Variants in COL25A1 observed in about 807,000 individuals in gnomAD.
COL25A1 encodes collagen type XXV alpha 1 chain, also known as collagen alpha-1(XXV) chain.
In COL25A1, 103 loss-of-function variants were observed where a neutral mutation model predicts 128.4. That is an observed-to-expected ratio of 0.80 (90% CI 0.68 to 0.94). The LOEUF is 0.94. COL25A1 is among the 40% of genes least tolerant of loss of function. The pLI is 0.00. For missense variants in COL25A1, 745 were observed against 840.0 expected, an observed-to-expected ratio of 0.89 and a Z score of 1.40; for synonymous variants, 279 against 277.2, an observed-to-expected ratio of 1.01 and a Z score of -0.06.
At chr4:109,125,360 G>A (rs1768496249) in intron 3 of COL25A1, among the ~76,000 whole-genome samples, 1 of 152,104 alleles carries the variant, frequency 6.6e-6, no homozygotes, top group South Asian at 2.1e-4. Context: ...TTCTCAGGAA[G>A]TAACACTTCT....
At chr4:108,953,345 T>A (rs1749682376) in intron 8 of COL25A1, among the ~76,000 whole-genome samples, 1 of 152,194 alleles carries the variant, frequency 6.6e-6, no homozygotes, top group Admixed American at 6.5e-5. Flanking sequence ...TTTGTTCAAT[T>A]ACACAAAAGT....
chr4:108,935,166 A>G (rs945861888), intron 11 of COL25A1, among the ~76,000 whole-genome samples: 1 of 152,198 alleles, frequency 6.6e-6, no homozygotes, highest in African/African-American at 2.4e-5. Flanking sequence ...AAAGCCATTA[A>G]AAGAGGTAGA....
At chr4:109,125,028 C>T (rs1281427353) in intron 3 of COL25A1, among the ~76,000 whole-genome samples, 1 of 152,064 alleles carries the variant, frequency 6.6e-6, no homozygotes, top group African/African-American at 2.4e-5. Context: ...CCCCCCCACA[C>T]TTTTCGCCTA....
chr4:109,048,211 G>T (rs757767822), intron 4 of COL25A1, 36 bp from the exon 5 acceptor site: 1 of 1,598,194 alleles, frequency 6.3e-7, no homozygotes, highest in Non-Finnish European at 8.6e-7. Flanking sequence ...AAGAGAGAGA[G>T]AGGAGTTAGT....
chr4:108,910,919 G>A (rs545493340), intron 13 of COL25A1, among the ~76,000 whole-genome samples: 1 of 152,280 alleles, frequency 6.6e-6, no homozygotes, highest in East Asian at 1.9e-4. Flanking sequence ...AAGGAATTCA[G>A]TTTCTCATAA....
chr4:109,283,186 G>A (rs1474393610), intron 3 of COL25A1, among the ~76,000 whole-genome samples: 1 of 152,110 alleles, frequency 6.6e-6, no homozygotes, highest in South Asian at 2.1e-4. Flanking sequence ...ATATCCCTGT[G>A]TATTTGAGTT....
At chr4:108,950,117 A>G (rs755656427) in intron 8 of COL25A1, among the ~76,000 whole-genome samples, 11 of 152,092 alleles carry the variant, frequency 7.2e-5, no homozygotes, top group South Asian at 2.1e-4. Context: ...CCACTCCTGC[A>G]TCAAGCTCTT....
chr4:108,867,696 A>G (rs1162271820), intron 20 of COL25A1, among the ~76,000 whole-genome samples: 1 of 152,148 alleles, frequency 6.6e-6, no homozygotes, highest in Non-Finnish European at 1.5e-5. Flanking sequence ...TTTCTGTTGA[A>G]TGCAGTACAC....
At chr4:108,987,329 A>G (rs776448341) in intron 6 of COL25A1, among the ~76,000 whole-genome samples, 3 of 150,646 alleles carry the variant, frequency 2.0e-5, no homozygotes, top group Non-Finnish European at 4.4e-5. Context: ...AACATTATCA[A>G]TTGTCATTTT....
intron 3 of COL25A1, among the ~76,000 whole-genome samples, chr4:109,191,569 T>A (rs952379840): frequency 6.6e-6 from 1 of 152,108 alleles, no homozygotes; most frequent in African/African-American, 2.4e-5. Context: ...CCATAAGGAG[T>A]GCATCCGGCC....
chr4:109,137,407 A>G lies in COL25A1; in HGVS notation c.368-87228T>C, dbSNP rs117456919. 4.9e-4 allele frequency among the ~76,000 whole-genome samples: 74 copies of G among 152,294 alleles called. No individual in the cohort carries two copies. The East Asian group carries it at 0.014, about 29-fold the overall frequency. Reference sequence around the variant, plus strand: ...AACTTGTACCTCACTCCTCAAATTAATCAGTCAACAATCAATCTAATTAAC... The same window carrying G: ...AACTTGTACCTCACTCCTCAAATTAGTCAGTCAACAATCAATCTAATTAAC... On this transcript the variant is annotated intron_variant, in intron 3 of 37. Transcript: ENST00000399132.
intron 5 of COL25A1, among the ~76,000 whole-genome samples, chr4:109,024,264 C>G (rs908240805): frequency 1.3e-4 from 14 of 105,994 alleles, no homozygotes; most frequent in Non-Finnish European, 2.2e-4. Flanking sequence ...TTGGGACATA[C>G]ATAACCCCAT....
chr4:108,945,303 T>C lies in COL25A1; in HGVS notation c.493-3866A>G, dbSNP rs556026889. The stretch of plus-strand genomic sequence containing the variant: ...ACAGGGGCTGCCTCCAGATCCTAGG[T>C]AGACACTGACTCTGCTTCTTGCACG... On this transcript the variant is annotated intron_variant, in intron 8 of 37. Coordinates refer to ENST00000399132, the MANE Select transcript of COL25A1 (RefSeq NM_198721.4). Among the ~76,000 whole-genome samples, 23 of 152,298 alleles carry C rather than the reference T, an allele frequency of 1.5e-4. 1 individual carries two copies. In the South Asian group the frequency reaches 4.8e-3, roughly 32 times the overall value.
intron 5 of COL25A1, 110 bp downstream of exon 5, chr4:109,048,058 G>T: frequency 6.4e-6 from 8 of 1,252,608 alleles, no homozygotes; most frequent in Non-Finnish European, 9.3e-6. Flanking sequence ...TAAAAGGTCA[G>T]TAACATTTTT....
chr4:109,154,787 T>C (rs12640529), intron 3 of COL25A1, among the ~76,000 whole-genome samples: 8,767 of 152,294 alleles, frequency 0.058, 421 homozygotes, highest in African/African-American at 0.13. Context: ...GCAAATAATA[T>C]GAAAGAAAGT....
At position 108,950,940 on chromosome 4, in the gene COL25A1, G is replaced by A. The variant is rs111597612; in HGVS notation, c.493-9503C>T. Among the ~76,000 whole-genome samples, 649 of 152,304 alleles carry A rather than the reference G, an allele frequency of 4.3e-3. 7 individuals are homozygous for A. Among genetic ancestry groups the A allele is most frequent in the African/African-American group, 0.015 (605 of 41,564 alleles). ...AGTACTTAAGCTTATTCTGTCTGAG[G>A]ACTGGAGTAAGACTCCCATAAAGGT... is the stretch of plus-strand genomic sequence containing the variant. On this transcript the variant is annotated intron_variant, in intron 8 of 37. Coordinates refer to ENST00000399132, the MANE Select transcript of COL25A1 (RefSeq NM_198721.4).
At chr4:108,994,124 C>T (rs951683343) in intron 6 of COL25A1, among the ~76,000 whole-genome samples, 6 of 152,128 alleles carry the variant, frequency 3.9e-5, no homozygotes, top group Non-Finnish European at 7.4e-5. Flanking sequence ...GTGCAGCCCA[C>T]AGAGGGCTAC....
chr4:109,162,657 A>C (rs538798339), intron 3 of COL25A1, among the ~76,000 whole-genome samples: 1 of 152,330 alleles, frequency 6.6e-6, no homozygotes, highest in South Asian at 2.1e-4. Flanking sequence ...GAGCTATAGA[A>C]ATAAGAATGA....
At chr4:109,048,549 T>C (rs3108952) in intron 4 of COL25A1, among the ~76,000 whole-genome samples, 75,295 of 151,974 alleles carry the variant, frequency 0.5, 20,471 homozygotes, top group African/African-American at 0.71. Context: ...TGATATATAA[T>C]TTCTTGAGTT....
Sources: allele counts gnomAD v4.1 joint callset (sites outside exome capture counted in the v4.1 genomes callset), GRCh38; gene constraint gnomAD v4.1.1; transcripts MANE v1.5; gene names NCBI Gene and HGNC (gene_info 2026-07-23, HGNC 2026-07-21).